Variants in NLGN1 observed in about 807,000 individuals in gnomAD.
The protein encoded by NLGN1 is neuroligin 1.
Under a neutral mutation model 65.5 loss-of-function variants are expected in NLGN1, and 12 were observed. That is an observed-to-expected ratio of 0.18 (90% confidence interval 0.12 to 0.30). The LOEUF is 0.30. Among genes scored for constraint, NLGN1 ranks in the 10% least tolerant of loss-of-function variants. The pLI is 1.00. For synonymous variants in NLGN1, 350 were observed against 359.5 expected (o/e 0.97, Z 0.30); for missense variants, 750 against 1,007.1 (o/e 0.74, Z 3.46).
At chr3:174,212,614 T>C (rs1264349046) in intron 4 of NLGN1, among the ~76,000 whole-genome samples, 1 of 152,250 alleles carries the variant, frequency 6.6e-6, no homozygotes, top group Non-Finnish European at 1.5e-5. Flanking sequence ...AGGATGCATC[T>C]CTCAGAATGT....
intron 4 of NLGN1, among the ~76,000 whole-genome samples, chr3:173,898,102 T>G (rs1313346678): frequency 2.0e-5 from 3 of 152,200 alleles, no homozygotes; most frequent in Admixed American, 6.5e-5. Context: ...TGGTAATTTC[T>G]TTACTTAGGC....
intron 4 of NLGN1, among the ~76,000 whole-genome samples, chr3:173,871,488 T>A (rs1731158861): frequency 6.6e-6 from 1 of 152,222 alleles, no homozygotes; most frequent in Non-Finnish European, 1.5e-5. Flanking sequence ...TTCCTAGGGC[T>A]TGGCAAAATT....
intron 3 of NLGN1, among the ~76,000 whole-genome samples, chr3:173,662,217 A>G (rs1274557527): frequency 1.3e-5 from 2 of 152,092 alleles, no homozygotes; most frequent in African/African-American, 4.8e-5. Context: ...GCCCAATTCC[A>G]TTGCCAAATA....
At chr3:173,822,693 T>C (rs1023807702) in intron 4 of NLGN1, among the ~76,000 whole-genome samples, 7 of 152,082 alleles carry the variant, frequency 4.6e-5, no homozygotes, top group African/African-American at 7.2e-5. Context: ...TCCGTTAATA[T>C]AGGAAATCTG....
At chr3:173,590,937 C>T (rs1055337723) in intron 2 of NLGN1, among the ~76,000 whole-genome samples, 2 of 152,018 alleles carry the variant, frequency 1.3e-5, no homozygotes, top group Non-Finnish European at 2.9e-5. Context: ...ACTGAAGGTA[C>T]ATTAGAGCTA....
At chr3:173,876,843 A>G (rs1560540607) in intron 4 of NLGN1, among the ~76,000 whole-genome samples, 1 of 152,172 alleles carries the variant, frequency 6.6e-6, no homozygotes, top group Non-Finnish European at 1.5e-5. Flanking sequence ...ACAAAAATAT[A>G]TAGGTGAATA....
In NLGN1 at chr3:173,488,468, C is replaced by T. The variant is rs181160597; in HGVS notation, c.-321+53390C>T. 1.3e-3 allele frequency among the ~76,000 whole-genome samples: 199 copies of T among 152,148 alleles called. 1 individual carries two copies. Among genetic ancestry groups the T allele is most frequent in the African/African-American group, 4.6e-3 (193 of 41,544 alleles). Reference sequence around the variant, plus strand: ...CTTTGTCATTTCTTTCAATGGCATTCTGTAAGTGGTACACTTTTGCCTATG... The same window carrying T: ...CTTTGTCATTTCTTTCAATGGCATTTTGTAAGTGGTACACTTTTGCCTATG... On this transcript the variant is annotated intron_variant, in intron 2 of 6. Transcript: ENST00000457714.
At chr3:173,777,677 C>G (rs1387436464) in intron 3 of NLGN1, among the ~76,000 whole-genome samples, 1 of 150,916 alleles carries the variant, frequency 6.6e-6, no homozygotes, top group South Asian at 2.1e-4. Flanking sequence ...ATCTATCTAT[C>G]CATCCCATTT....
chr3:174,002,462 G>A (rs1326690719), intron 4 of NLGN1, among the ~76,000 whole-genome samples: 2 of 152,140 alleles, frequency 1.3e-5, no homozygotes, highest in Non-Finnish European at 2.9e-5. Context: ...AAAATGTTAA[G>A]TGAATCATTT....
chr3:173,894,633 C>CT lies in NLGN1; in HGVS notation c.646+86816dup, dbSNP rs3979634. Among the ~76,000 whole-genome samples, 655 of 134,122 alleles carry CT rather than the reference C, an allele frequency of 4.9e-3. 5 individuals carry two copies. The highest frequency in any genetic ancestry group is 9.4e-3 in the Admixed American group (126 of 13,466). The allele number at this position is 134,122 out of a possible 152,430, so 88.0% of individuals were successfully genotyped here. A position where few individuals can be genotyped will look rare whatever the true frequency, so the allele number is the denominator to read the frequency against. On this transcript the variant is annotated intron_variant, in intron 4 of 6. Transcript: ENST00000457714. ...AATTTCTTTTCTTTTTTTTCTTTTT[C>CT]TTTTTTTTTTTTTTTGAGATAGAGA...
At chr3:173,619,101 C>T (rs1175019289) in intron 3 of NLGN1, among the ~76,000 whole-genome samples, 1 of 152,120 alleles carries the variant, frequency 6.6e-6, no homozygotes. Context: ...TTTAGCCAAT[C>T]TTGTTTCCTG....
chr3:173,967,196 C>T (rs1715076648), intron 4 of NLGN1, among the ~76,000 whole-genome samples: 2 of 152,120 alleles, frequency 1.3e-5, no homozygotes, highest in Admixed American at 6.6e-5. Flanking sequence ...ATTGTAAGCA[C>T]AGTGGGCAAA....
chr3:173,733,329 T>A (rs1038675154), intron 3 of NLGN1, among the ~76,000 whole-genome samples: 7 of 152,114 alleles, frequency 4.6e-5, no homozygotes, highest in African/African-American at 9.7e-5. Flanking sequence ...ATAGGGGTAA[T>A]TACATTTTAG....
intron 4 of NLGN1, among the ~76,000 whole-genome samples, chr3:174,108,924 A>G (rs952770472): frequency 4.6e-5 from 7 of 151,904 alleles, no homozygotes; most frequent in Non-Finnish European, 8.8e-5. Context: ...TTCTCTCTCT[A>G]TGTGTGTGTG....
At chr3:173,635,985 C>A (rs887235215) in intron 3 of NLGN1, among the ~76,000 whole-genome samples, 1 of 152,056 alleles carries the variant, frequency 6.6e-6, no homozygotes, top group African/African-American at 2.4e-5. Context: ...GCAGAAGAGA[C>A]TGTAGTATAT....
At chr3:173,783,781 A>C (rs1470065068) in intron 3 of NLGN1, among the ~76,000 whole-genome samples, 1 of 152,166 alleles carries the variant, frequency 6.6e-6, no homozygotes, top group Non-Finnish European at 1.5e-5. Context: ...TGCCAGGCTA[A>C]TTTTTGTATT....
At chr3:173,995,361 T>A (rs1722043641) in intron 4 of NLGN1, among the ~76,000 whole-genome samples, 1 of 152,174 alleles carries the variant, frequency 6.6e-6, no homozygotes, top group South Asian at 2.1e-4. Flanking sequence ...GAAGAAAACA[T>A]GGCCACTCCT....
intron 4 of NLGN1, among the ~76,000 whole-genome samples, chr3:173,948,836 A>T (rs1747678601): frequency 6.6e-6 from 1 of 152,212 alleles, no homozygotes; most frequent in East Asian, 1.9e-4. Flanking sequence ...ATTATACTTG[A>T]TTATGATAAA....
intron 4 of NLGN1, among the ~76,000 whole-genome samples, chr3:174,020,942 AG>A (rs929125859): frequency 6.6e-6 from 1 of 152,122 alleles, no homozygotes; most frequent in Admixed American, 6.6e-5. Context: ...AGAAATTCAA[AG>A]ACAGGAAAAA....
Sources: gnomAD v4.1 joint callset for allele counts (sites outside exome capture counted in the v4.1 genomes callset) on GRCh38, gnomAD v4.1.1 for gene constraint, MANE v1.5 for transcripts, NCBI Gene and HGNC (gene_info 2026-07-23, HGNC 2026-07-21) for gene names.